BTBD9: variants seen among roughly 807,000 people sequenced by gnomAD.
The protein encoded by BTBD9 is BTB domain containing 9.
In BTBD9, 49 loss-of-function variants were observed where a neutral mutation model predicts 64.3. The ratio of observed to expected loss-of-function variants is 0.76; its 90% CI spans 0.61 to 0.97. The LOEUF (loss-of-function observed/expected upper bound fraction) is 0.97, where lower values mean the gene tolerates loss of function less well. BTBD9 is among the 50% of genes least tolerant of loss of function. The pLI, the probability that BTBD9 is intolerant of heterozygous loss-of-function variation, is 0.00. For missense variants in BTBD9, 598 were observed against 762.1 expected (o/e 0.78, Z 2.53); for synonymous variants, 260 against 274.7 (o/e 0.95, Z 0.53).
At chr6:38,455,909 T>C (rs759913867) in intron 6 of BTBD9, among the ~76,000 whole-genome samples, 2 of 152,206 alleles carry the variant, frequency 1.3e-5, no homozygotes, top group Non-Finnish European at 2.9e-5. Flanking sequence ...ACTCCTGACC[T>C]CAGGTGATCC....
At chr6:38,432,979 T>C (rs193027955) in intron 6 of BTBD9, among the ~76,000 whole-genome samples, 446 of 152,116 alleles carry the variant, frequency 2.9e-3, no homozygotes, top group Non-Finnish European at 4.7e-3. Flanking sequence ...CACTGGGTGA[T>C]TATATTTCTT....
rs187193118 is a variant in BTBD9, at chr6:38,473,306, T to A, written c.1154+104294A>T. Among the ~76,000 whole-genome samples, 24 of 152,310 alleles carry A rather than the reference T, an allele frequency of 1.6e-4. No homozygotes were observed. The East Asian group carries it at 4.4e-3, about 28-fold the overall frequency. On this transcript the variant is annotated intron_variant, in intron 6 of 10. Coordinates refer to ENST00000481247, the MANE Select transcript of BTBD9 (RefSeq NM_001099272.2). ...CTGATTCATAAATAATGTCCCCAAATAAGAAATAAACAATAGTTTTGGGTT... is the reference window on the plus strand; with the variant it reads ...CTGATTCATAAATAATGTCCCCAAAAAAGAAATAAACAATAGTTTTGGGTT...
At chr6:38,193,814 G>A (rs1762182791) in intron 9 of BTBD9, 1 of 985,366 alleles carries the variant, frequency 1.0e-6, no homozygotes, top group Non-Finnish European at 1.2e-6. Context: ...TTTGCAGTTT[G>A]TTTTTCCCCC....
intron 9 of BTBD9, among the ~76,000 whole-genome samples, chr6:38,254,664 C>CTCAA (rs1265277933): frequency 7.2e-5 from 11 of 152,044 alleles, no homozygotes; most frequent in African/African-American, 2.7e-4. Context: ...TGAAAAGATG[C>CTCAA]TCAACATCAT....
chr6:38,597,196 A>C (rs1349864660), intron 2 of BTBD9, among the ~76,000 whole-genome samples: 1 of 152,210 alleles, frequency 6.6e-6, no homozygotes, highest in Non-Finnish European at 1.5e-5. Flanking sequence ...CACTGCAGTT[A>C]TCACTACAAG....
chr6:38,419,841 C>T (rs1466559588), intron 6 of BTBD9, among the ~76,000 whole-genome samples: 1 of 151,916 alleles, frequency 6.6e-6, no homozygotes, highest in African/African-American at 2.4e-5. Context: ...CTGCACTCCA[C>T]CCTGGGCAAC....
At chr6:38,443,439 C>T (rs1488506219) in intron 6 of BTBD9, among the ~76,000 whole-genome samples, 1 of 152,180 alleles carries the variant, frequency 6.6e-6, no homozygotes, top group Non-Finnish European at 1.5e-5. Context: ...CATGCCCTGC[C>T]CCTGTCTCAC....
chr6:38,230,924 C>A (rs1426130295), intron 9 of BTBD9, among the ~76,000 whole-genome samples: 1 of 152,180 alleles, frequency 6.6e-6, no homozygotes, highest in South Asian at 2.1e-4. Flanking sequence ...TTCTTCATGG[C>A]ATTTATCAGT....
chr6:38,422,018 T>A (rs1034399961), intron 6 of BTBD9, among the ~76,000 whole-genome samples: 1 of 152,156 alleles, frequency 6.6e-6, no homozygotes, highest in African/African-American at 2.4e-5. Flanking sequence ...TTCAATTCAT[T>A]AAACAAAAAG....
intron 9 of BTBD9, among the ~76,000 whole-genome samples, chr6:38,241,081 A>T (rs1336910148): frequency 6.6e-6 from 1 of 152,184 alleles, no homozygotes; most frequent in African/African-American, 2.4e-5. Context: ...CCCTCAGCAT[A>T]CCCTAAAGAA....
At chr6:38,609,675 T>C (rs755013313) in intron 1 of BTBD9, among the ~76,000 whole-genome samples, 7 of 152,226 alleles carry the variant, frequency 4.6e-5, no homozygotes, top group Non-Finnish European at 7.3e-5. Context: ...AAGACACTAA[T>C]GAATAATTGA....
chr6:38,435,457 G>GA (rs1768671126), intron 6 of BTBD9, among the ~76,000 whole-genome samples: 1 of 151,506 alleles, frequency 6.6e-6, no homozygotes, highest in African/African-American at 2.4e-5. Flanking sequence ...AAAAGAAAAA[G>GA]AAAAGCATGG....
At chr6:38,189,173 C>T (rs1377240926) in intron 10 of BTBD9, among the ~76,000 whole-genome samples, 3 of 152,138 alleles carry the variant, frequency 2.0e-5, no homozygotes, top group Non-Finnish European at 2.9e-5. Flanking sequence ...GGTGGTGCTG[C>T]ACTCTCATCT....
In BTBD9 at chr6:38,439,633, G is replaced by A. The variant is rs551789338; in HGVS notation, c.1155-94540C>T. On this transcript the variant is annotated intron_variant, in intron 6 of 10. Coordinates refer to ENST00000481247, the MANE Select transcript of BTBD9 (RefSeq NM_001099272.2). Reference sequence around the variant, plus strand: ...GTAGAGATGGGGTTTCACCATGTTGGCCAGGCTGGTTTCAAACTCCTGACC... The same window carrying A: ...GTAGAGATGGGGTTTCACCATGTTGACCAGGCTGGTTTCAAACTCCTGACC... 3.7e-3 allele frequency among the ~76,000 whole-genome samples: 568 copies of A among 152,062 alleles called. 3 individuals are homozygous for A. The highest frequency in any genetic ancestry group is 6.3e-3 in the Non-Finnish European group (428 of 67,988).
At chr6:38,200,007 C>T (rs935914799) in intron 9 of BTBD9, among the ~76,000 whole-genome samples, 7 of 152,210 alleles carry the variant, frequency 4.6e-5, no homozygotes, top group African/African-American at 1.7e-4. Flanking sequence ...GCACACTGTC[C>T]TGGATCCCAG....
intron 6 of BTBD9, among the ~76,000 whole-genome samples, chr6:38,357,236 TCA>T (rs1764761217): frequency 6.6e-6 from 1 of 152,308 alleles, no homozygotes; most frequent in Admixed American, 6.5e-5. Flanking sequence ...ACTTCATTCA[TCA>T]CAGTTTCAGA....
chr6:38,192,099 C>T (rs1190200877), intron 10 of BTBD9, among the ~76,000 whole-genome samples: 1 of 152,246 alleles, frequency 6.6e-6, no homozygotes, highest in African/African-American at 2.4e-5. Flanking sequence ...GAGGCACACG[C>T]TTGACACAGT....
chr6:38,200,194 T>C (rs1183139716), intron 9 of BTBD9, among the ~76,000 whole-genome samples: 1 of 152,182 alleles, frequency 6.6e-6, no homozygotes, highest in East Asian at 1.9e-4. Context: ...TCACTGAAGG[T>C]GGCACTGCCC....
intron 7 of BTBD9, among the ~76,000 whole-genome samples, chr6:38,298,505 C>A (rs1043287869): frequency 3.3e-5 from 5 of 151,788 alleles, no homozygotes; most frequent in Non-Finnish European, 5.9e-5. Context: ...GTACTGAAAA[C>A]ATCTCATGTC....
Sources: gnomAD v4.1 joint callset for allele counts (sites outside exome capture counted in the v4.1 genomes callset) on GRCh38, gnomAD v4.1.1 for gene constraint, MANE v1.5 for transcripts, NCBI Gene and HGNC (gene_info 2026-07-23, HGNC 2026-07-21) for gene names.